Variants in ANO1 observed in about 807,000 individuals in gnomAD.
ANO1 encodes the protein anoctamin 1.
Under a neutral mutation model 124.0 loss-of-function variants are expected in ANO1, and 59 were observed. The ratio of observed to expected loss-of-function variants is 0.48; its 90% confidence interval spans 0.39 to 0.59. ANO1 has a LOEUF of 0.59. Ranked by LOEUF, ANO1 falls within the 20% of genes least tolerant of loss-of-function variation. ANO1 has a pLI of 0.00. For synonymous variants in ANO1, 529 were observed against 532.0 expected (o/e 0.99, Z 0.08); for missense variants, 1,059 against 1,328.0 (o/e 0.80, Z 3.15).
chr11:70,165,374 A>G (rs1421800215), intron 19 of ANO1, 96 bp from the exon 20 acceptor site: 3 of 1,017,964 alleles, frequency 2.9e-6, no homozygotes, highest in Admixed American at 2.3e-5. Flanking sequence ...TGGAGGACGC[A>G]GGTCAACCCA....
At chr11:70,176,139 GTA>G (rs371250706) in intron 22 of ANO1, among the ~76,000 whole-genome samples, 9 of 146,456 alleles carry the variant, frequency 6.1e-5, no homozygotes, top group Admixed American at 1.4e-4. Flanking sequence ...CAGATTATGG[GTA>G]TATATATATA....
In ANO1 at chr11:70,078,595, C is replaced by G. The variant is rs1409076938; in HGVS notation, c.-12C>G. 6 of 1,469,162 alleles carry G rather than the reference C, an allele frequency of 4.1e-6. No homozygotes were observed. The South Asian group carries it at 7.2e-5, about 18-fold the overall frequency. 91.0% of individuals were successfully genotyped at this position (1,469,162 alleles called of 1,614,324 possible). On this transcript the variant is annotated 5_prime_UTR_variant, in exon 1 of 26. Transcript: ENST00000355303. ...CGCGCCGCCCGGCGGTCCCAGCGCACAGGCGGCCACGATGAGGGTCAACGA... is the reference window on the plus strand; with the variant it reads ...CGCGCCGCCCGGCGGTCCCAGCGCAGAGGCGGCCACGATGAGGGTCAACGA...
rs1294041509 is a variant in ANO1 at position 70,108,341 on chromosome 11, T to C, written c.748-12T>C. On this transcript the variant is annotated splice_polypyrimidine_tract_variant and intron_variant, in intron 5 of 25. Transcript: ENST00000355303. Reference sequence around the variant, plus strand: ...AAGTAACTGCTCACCCCCCTTCTTGTCTCTGCAATAGGTCTATGAGATCTT... The same window carrying C: ...AAGTAACTGCTCACCCCCCTTCTTGCCTCTGCAATAGGTCTATGAGATCTT... The C allele has an allele frequency of 1.2e-6, 2 of 1,606,358 alleles. No homozygotes were observed. Among genetic ancestry groups the C allele is most frequent in the Admixed American group, 3.3e-5 (2 of 59,936 alleles).
In ANO1 at chr11:70,087,855, A is replaced by G; in HGVS notation, c.212A>G (p.Lys71Arg). 6.2e-7 allele frequency: 1 copy of G among 1,612,932 alleles called. No individual in the cohort carries two copies. Among genetic ancestry groups the G allele is most frequent in the Non-Finnish European group, 8.5e-7 (1 of 1,179,732 alleles). Reference protein sequence around the residue: ...KVDYILVYHHKRPSGNRTLVR... With the variant: ...KVDYILVYHHRRPSGNRTLVR... ...GACTACATCCTGGTGTACCATCACA[A>G]GAGGCCCTCGGGCAACCGGACCCTG... is the stretch of plus-strand genomic sequence containing the variant. Residue 71 changes from lysine to arginine, a missense_variant, in exon 2 of 26, where the codon AAG (lysine) becomes AGG (arginine). By Grantham distance (26) the Lys-to-Arg change is conservative (BLOSUM62 2). This residue lies in a region of ANO1 where 250 missense variants were observed against 233.1 expected (regional missense o/e 1.07). Coordinates refer to ENST00000355303, the MANE Select transcript of ANO1 (RefSeq NM_018043.7).
chr11:70,069,245 G>T (rs186018750), intron 1 of ANO1, among the ~76,000 whole-genome samples: 1 of 152,232 alleles, frequency 6.6e-6, no homozygotes, highest in South Asian at 2.1e-4. Context: ...AGGAACCAGG[G>T]AGTGTGTTCT....
chr11:69,970,459 G>T, the ANO1 span, among the ~76,000 whole-genome samples: 1 of 152,218 alleles, frequency 6.6e-6, no homozygotes. Flanking sequence ...GTTAGGAAAG[G>T]TTCGTGAACT....
At chr11:70,080,171 A>C (rs771593603) in intron 1 of ANO1, among the ~76,000 whole-genome samples, 4 of 152,230 alleles carry the variant, frequency 2.6e-5, no homozygotes, top group Non-Finnish European at 1.5e-5. Flanking sequence ...GTGCTGGGCC[A>C]GTGCTGTGTC....
intron 1 of ANO1, among the ~76,000 whole-genome samples, chr11:70,010,179 G>GTATGTGTGTATGTATA (rs1188271051): frequency 1.2e-5 from 1 of 83,776 alleles, no homozygotes; most frequent in African/African-American, 4.7e-5. Context: ...GTGTGTGTGT[G>GTATGTGTGTATGTATA]TATATATATA....
chr11:70,094,944 T>A (rs2004963), intron 2 of ANO1, among the ~76,000 whole-genome samples: 1 of 152,010 alleles, frequency 6.6e-6, no homozygotes, highest in Non-Finnish European at 1.5e-5. Context: ...CCATGGCTCA[T>A]GCCTATAATC....
At chr11:70,044,414 C>T (rs1857227312) in intron 1 of ANO1, among the ~76,000 whole-genome samples, 1 of 152,060 alleles carries the variant, frequency 6.6e-6, no homozygotes, top group Admixed American at 6.5e-5. Context: ...TGCTATTTCC[C>T]TCAAAGGGAC....
intron 16 of ANO1, among the ~76,000 whole-genome samples, chr11:70,159,999 A>ATT (rs2047983208): frequency 6.6e-6 from 1 of 152,002 alleles, no homozygotes; most frequent in Non-Finnish European, 1.5e-5. Flanking sequence ...CAGAACATGA[A>ATT]ATAAGAGCTT....
At chr11:70,120,950 C>T (rs895794876) in intron 8 of ANO1, among the ~76,000 whole-genome samples, 4 of 152,182 alleles carry the variant, frequency 2.6e-5, no homozygotes, top group Admixed American at 2.6e-4. Context: ...ACCTTGGATT[C>T]CTTCCAGCAC....
At chr11:70,122,366 T>A (rs2046327107) in intron 8 of ANO1, among the ~76,000 whole-genome samples, 1 of 110,166 alleles carries the variant, frequency 9.1e-6, no homozygotes, top group Non-Finnish European at 1.9e-5. Context: ...TCTCTCTCCG[T>A]CTCCCCCACC....
chr11:70,138,210 T>A (rs1324161135), intron 11 of ANO1, among the ~76,000 whole-genome samples: 2 of 146,564 alleles, frequency 1.4e-5, no homozygotes, highest in Non-Finnish European at 3.0e-5. Context: ...CTGGCCGTAG[T>A]GGCACGCGCC....
chr11:70,010,134 G>GGTGTGTGT (rs34598701), intron 1 of ANO1, among the ~76,000 whole-genome samples: 61 of 81,850 alleles, frequency 7.5e-4, no homozygotes, highest in East Asian at 1.5e-3. Flanking sequence ...AGTATTCCAT[G>GGTGTGTGT]GTGTGTGTGT....
intron 1 of ANO1, among the ~76,000 whole-genome samples, chr11:69,986,765 G>T (rs868967613): frequency 7.8e-4 from 118 of 152,216 alleles, no homozygotes; most frequent in African/African-American, 2.7e-3. Flanking sequence ...GGATATTTTT[G>T]TACCAATAAT....
chr11:69,996,542 TTAAAGAGGCTAATGAA>T (rs1856274696), intron 1 of ANO1, among the ~76,000 whole-genome samples: 1 of 152,180 alleles, frequency 6.6e-6, no homozygotes, highest in Non-Finnish European at 1.5e-5. Flanking sequence ...TTTTCTGCCC[TTAAAGAGGCTAATGAA>T]TGGCCTGCAT....
intron 22 of ANO1, among the ~76,000 whole-genome samples, chr11:70,179,795 C>T (rs1404658900): frequency 6.6e-6 from 1 of 152,130 alleles, no homozygotes; most frequent in Admixed American, 6.5e-5. Context: ...AGCTGGTGAG[C>T]TTGTCAGAAA....
At chr11:70,139,055 C>G (rs1053061010) in intron 11 of ANO1, among the ~76,000 whole-genome samples, 2 of 152,156 alleles carry the variant, frequency 1.3e-5, no homozygotes, top group African/African-American at 4.8e-5. Context: ...TTCCTGCATT[C>G]GTTTAGTCCG....
Sources: allele counts gnomAD v4.1 joint callset (sites outside exome capture counted in the v4.1 genomes callset), GRCh38; gene constraint gnomAD v4.1.1; regional missense constraint gnomAD v4.1.1; transcripts MANE v1.5; gene names NCBI Gene and HGNC (gene_info 2026-07-23, HGNC 2026-07-21).